CCDC40: variants seen among roughly 807,000 people sequenced by gnomAD.
CCDC40 encodes the protein coiled-coil domain 40 molecular ruler complex subunit.
A neutral mutation model predicts 124.5 loss-of-function variants in CCDC40; 104 were observed. The observed-to-expected ratio is 0.84, with a 90% CI of 0.71 to 0.98. CCDC40 has a LOEUF of 0.98. CCDC40 is among the 50% of genes least tolerant of loss of function. CCDC40 has a pLI of 0.00. For synonymous variants in CCDC40, 580 were observed against 602.9 expected (o/e 0.96, Z 0.56); for missense variants, 1,463 against 1,503.9 (o/e 0.97, Z 0.45).
intron 13 of CCDC40, among the ~76,000 whole-genome samples, chr17:80,085,533 G>A (rs780535248): frequency 6.6e-6 from 1 of 152,140 alleles, no homozygotes; most frequent in African/African-American, 2.4e-5. Context: ...TTCCTCCAGC[G>A]GGGTCTGTGG....
At position 80,095,272 on chromosome 17, in the gene CCDC40, G is replaced by A. The variant is rs540350416; in HGVS notation, c.2842G>A (p.Gly948Arg). ...CTGTCCTGTCTCCCAGGTCAGGCTC[G>A]GGCAGCTGCTGAAGCAGCAGGAGAA... Reference protein sequence around the residue: ...GEIHRMKVRLGQLLKQQEKMI... With the variant: ...GEIHRMKVRLRQLLKQQEKMI... The change falls in exon 18 of 20, where the codon GGG becomes AGG. Residue 948 changes from glycine (G) to arginine (R), a missense_variant. By Grantham distance (125) the Gly-to-Arg change is moderately radical. Transcript: ENST00000397545. 1.7e-5 allele frequency: 28 copies of A among 1,613,850 alleles called. No individual in the cohort carries two copies. The African/African-American group carries it at 2.1e-4, about 12-fold the overall frequency.
intron 7 of CCDC40, among the ~76,000 whole-genome samples, chr17:80,054,074 A>T (rs1329330906): frequency 6.6e-6 from 1 of 152,246 alleles, no homozygotes; most frequent in Non-Finnish European, 1.5e-5. Flanking sequence ...AAACTGAAAG[A>T]AGCAGAAAAA....
intron 9 of CCDC40, among the ~76,000 whole-genome samples, 199 bp downstream of exon 9, chr17:80,059,179 C>T (rs1271987062): frequency 1.3e-5 from 2 of 152,216 alleles, no homozygotes; most frequent in African/African-American, 2.4e-5. Context: ...ATTCCTATTC[C>T]TTCCCTGGCT....
Position 80,067,290 on chromosome 17 carries a change from C to T in CCDC40, c.1562+1684C>T, listed in dbSNP as rs1424807269. On this transcript the variant is annotated intron_variant, in intron 10 of 19. Transcript: ENST00000397545. ...TTTTGGTTGCAAACATTGTAAAAAT[C>T]GTATTCGATCAGGTCTCCTCCTCCT... The T allele has an allele frequency of 4.5e-5, 24 of 529,788 alleles. No individual in the cohort carries two copies. In the South Asian group the frequency reaches 6.0e-4, roughly 13 times the overall value. The allele number at this position is 529,788 out of a possible 1,614,324, so 32.8% of individuals were successfully genotyped here. A position where few individuals can be genotyped will look rare whatever the true frequency, so the allele number is the denominator to read the frequency against.
intron 7 of CCDC40, among the ~76,000 whole-genome samples, chr17:80,053,826 C>A (rs960975612): frequency 1.3e-5 from 2 of 152,122 alleles, no homozygotes; most frequent in African/African-American, 4.8e-5. Flanking sequence ...CCCCTGACCT[C>A]GTGATCCGCC....
At chr17:80,043,773 C>A (rs1440942022) in intron 3 of CCDC40, among the ~76,000 whole-genome samples, 1 of 151,726 alleles carries the variant, frequency 6.6e-6, no homozygotes, top group Non-Finnish European at 1.5e-5. Context: ...CCCTCCTCAA[C>A]CTCCCAAAGT....
In CCDC40 at chr17:80,083,795, A is replaced by G. The variant is rs374667331; in HGVS notation, c.1990-948A>G. Among the ~76,000 whole-genome samples, 10 of 152,256 alleles carry G rather than the reference A, an allele frequency of 6.6e-5. No homozygotes were observed. In the East Asian group the frequency reaches 1.2e-3, roughly 18 times the overall value. On this transcript the variant is annotated intron_variant, in intron 12 of 19. Coordinates refer to ENST00000397545, the MANE Select transcript of CCDC40 (RefSeq NM_017950.4). The stretch of plus-strand genomic sequence containing the variant: ...CACTGGCGGCTCAGACCTGCCGGAC[A>G]GCAGGAGGGGTCAGAACGCATGGAG...
intron 17 of CCDC40, 77 bp downstream of exon 17, chr17:80,089,961 C>T: frequency 6.3e-7 from 1 of 1,578,626 alleles, no homozygotes; most frequent in South Asian, 1.1e-5. Flanking sequence ...CACACCAAGG[C>T]CTCGGCTCTC....
chr17:80,068,257 C>T (rs2038101129), intron 10 of CCDC40, among the ~76,000 whole-genome samples: 1 of 152,118 alleles, frequency 6.6e-6, no homozygotes, highest in Non-Finnish European at 1.5e-5. Flanking sequence ...TGATCTTGAA[C>T]CCCTACCTCA....
At chr17:80,073,870 A>G (rs1298665505) in intron 10 of CCDC40, among the ~76,000 whole-genome samples, 2 of 148,694 alleles carry the variant, frequency 1.3e-5, no homozygotes, top group Non-Finnish European at 3.0e-5. Flanking sequence ...TAATTTTTGT[A>G]TGTTAGTAGA....
chr17:80,084,206 T>A (rs1197744413), intron 12 of CCDC40, among the ~76,000 whole-genome samples: 1 of 152,058 alleles, frequency 6.6e-6, no homozygotes, highest in South Asian at 2.1e-4. Flanking sequence ...AGGAAAGAGG[T>A]TTAATTGACT....
chr17:80,069,092 A>G (rs535183954), intron 10 of CCDC40, among the ~76,000 whole-genome samples: 2 of 151,102 alleles, frequency 1.3e-5, no homozygotes, highest in South Asian at 4.2e-4. Flanking sequence ...CCTGACACCC[A>G]TGGCATTTTT....
At chr17:80,093,040 G>A (rs908716894) in intron 17 of CCDC40, among the ~76,000 whole-genome samples, 13 of 152,086 alleles carry the variant, frequency 8.5e-5, no homozygotes, top group East Asian at 3.8e-4. Flanking sequence ...CCGAACTACC[G>A]TCCAGTCCTT....
chr17:80,098,992 A>G (rs2038862287), intron 19 of CCDC40: 1 of 157,678 alleles, frequency 6.3e-6, no homozygotes, highest in Admixed American at 6.0e-5. Context: ...AAAAAAAAAA[A>G]AAAATGCCGG....
intron 10 of CCDC40, among the ~76,000 whole-genome samples, chr17:80,075,894 C>T (rs902827916): frequency 1.3e-5 from 2 of 152,086 alleles, no homozygotes; most frequent in African/African-American, 4.8e-5. Context: ...AGGACTTCAG[C>T]GCAGAAAGTC....
At chr17:80,055,584 T>C (rs2037714974) in intron 7 of CCDC40, among the ~76,000 whole-genome samples, 1 of 152,150 alleles carries the variant, frequency 6.6e-6, no homozygotes, top group Non-Finnish European at 1.5e-5. Context: ...GATATAAAAA[T>C]GCCATTTCCC....
chr17:80,058,358 C>A lies in CCDC40; in HGVS notation c.1160-136C>A. 1 of 716,604 alleles carries A rather than the reference C, an allele frequency of 1.4e-6. No individual in the cohort carries two copies. The highest frequency in any genetic ancestry group is 1.7e-5 in the South Asian group (1 of 60,126). 44.4% of individuals were successfully genotyped at this position (716,604 alleles called of 1,614,324 possible). A position where few individuals can be genotyped will look rare whatever the true frequency, so the allele number is the denominator to read the frequency against. On this transcript the variant is annotated intron_variant, in intron 7 of 19. Transcript: ENST00000397545. The surrounding 1 kb of genome is among the most constrained non-coding windows in gnomAD (Gnocchi z 4.2). ...GTCTTGATAGTTTAAAAGCAGTTTC[C>A]CAGTCTTACCCAAAAATGGCAGGAA...
chr17:80,090,272 TGCACGAACAACACGGGACGC>T (rs1567813598), intron 17 of CCDC40: 2 of 1,287,246 alleles, frequency 1.6e-6, no homozygotes, highest in South Asian at 1.6e-5. Context: ...CGCGGGCACG[TGCACGAACAACACGGGACGC>T]GCGCAGGCAC....
At chr17:80,044,694 A>C (rs573323420) in intron 3 of CCDC40, among the ~76,000 whole-genome samples, 1 of 37,216 alleles carries the variant, frequency 2.7e-5, no homozygotes, top group Non-Finnish European at 4.5e-5. Context: ...AAAACAAAAC[A>C]AAACAAACAA....
Sources: gnomAD v4.1 joint callset for allele counts (sites outside exome capture counted in the v4.1 genomes callset) on GRCh38, gnomAD v4.1.1 for gene constraint, Gnocchi (gnomAD v3.1) non-coding constraint, MANE v1.5 for transcripts, NCBI Gene and HGNC (gene_info 2026-07-23, HGNC 2026-07-21) for gene names.